The following PCDHA5 variants were observed in gnomAD, a reference collection of about 807,000 sequenced individuals.
PCDHA5 encodes protocadherin alpha-5.
Under a neutral mutation model 61.6 loss-of-function variants are expected in PCDHA5, and 43 were observed. That is an observed-to-expected ratio of 0.70 (90% confidence interval 0.55 to 0.90). PCDHA5 has a LOEUF of 0.90. Among genes scored for constraint, PCDHA5 ranks in the 40% least tolerant of loss-of-function variants. The probability of loss-of-function intolerance (pLI) is 0.00; values close to 1 mark genes in which losing one functional copy is unlikely to be tolerated. For missense variants in PCDHA5, 1,298 were observed against 1,222.7 expected, an observed-to-expected ratio of 1.06 and a Z score of -0.92; for synonymous variants, 627 against 543.9, an observed-to-expected ratio of 1.15 and a Z score of -2.13.
chr5:140,871,973 T>C (rs2053419799), intron 1 of PCDHA5, among the ~76,000 whole-genome samples: 1 of 152,254 alleles, frequency 6.6e-6, no homozygotes, highest in African/African-American at 2.4e-5. Context: ...CTTCCTATGA[T>C]GTCCAGGTTG....
chr5:140,927,839 G>T (rs782594719), intron 1 of PCDHA5: 1 of 1,614,208 alleles, frequency 6.2e-7, no homozygotes, highest in South Asian at 1.1e-5. Context: ...AGGGACGAAG[G>T]TGTCTTTGGT....
intron 1 of PCDHA5, chr5:140,869,765 A>C (rs376277801): frequency 1.9e-6 from 3 of 1,613,164 alleles, no homozygotes; most frequent in African/African-American, 2.7e-5. Flanking sequence ...GGAAAACCAG[A>C]GCTTACTGGC....
chr5:140,869,243 G>A (rs1554162716), intron 1 of PCDHA5: 10 of 1,613,544 alleles, frequency 6.2e-6, no homozygotes, highest in African/African-American at 2.7e-5. Flanking sequence ...TTCGTGGGCC[G>A]CATCGCGCAG....
intron 1 of PCDHA5, among the ~76,000 whole-genome samples, chr5:140,937,290 G>C (rs890693007): frequency 3.3e-5 from 5 of 152,076 alleles, no homozygotes; most frequent in Non-Finnish European, 7.4e-5. Flanking sequence ...ACCCGCTTCG[G>C]CCTCCCAAAG....
intron 1 of PCDHA5, chr5:140,828,956 G>A: frequency 1.2e-6 from 2 of 1,614,244 alleles, no homozygotes; most frequent in Non-Finnish European, 1.7e-6. Flanking sequence ...TGCAGCCATG[G>A]TTATTGACCA....
intron 1 of PCDHA5, chr5:140,851,311 T>C (rs1484638965): frequency 1.0e-6 from 1 of 1,000,128 alleles, no homozygotes; most frequent in Non-Finnish European, 1.2e-6. Context: ...TAGCAATTGT[T>C]ACCTTGTTAA....
chr5:140,944,182 GTTTGT>G (rs750577669), intron 1 of PCDHA5, among the ~76,000 whole-genome samples: 4 of 152,050 alleles, frequency 2.6e-5, no homozygotes, highest in African/African-American at 2.4e-5. Context: ...TTTTTTGTTG[GTTTGT>G]TTTGTTTTGT....
At chr5:140,842,234 C>T (rs2150332362) in intron 1 of PCDHA5, 8 of 1,612,528 alleles carry the variant, frequency 5.0e-6, no homozygotes, top group Admixed American at 1.7e-5. Context: ...AATAGTGATT[C>T]GGGGTAATTT....
At chr5:140,943,112 G>A (rs1250060246) in intron 1 of PCDHA5, among the ~76,000 whole-genome samples, 1 of 151,850 alleles carries the variant, frequency 6.6e-6, no homozygotes, top group African/African-American at 2.4e-5. Flanking sequence ...ACAAAAATTA[G>A]CCAGGTGTGG....
chr5:140,841,253 G>A, intron 1 of PCDHA5: 1 of 1,510,284 alleles, frequency 6.6e-7, no homozygotes, highest in Non-Finnish European at 8.9e-7. Context: ...TGGATTAAAA[G>A]ACTCTGAAAG....
intron 1 of PCDHA5, among the ~76,000 whole-genome samples, chr5:140,897,728 A>G (rs1554187548): frequency 6.6e-6 from 1 of 152,092 alleles, no homozygotes; most frequent in Non-Finnish European, 1.5e-5. Flanking sequence ...TGGGTCAAAT[A>G]GTATTTCTAG....
intron 1 of PCDHA5, among the ~76,000 whole-genome samples, chr5:140,898,035 T>G (rs1227571900): frequency 5.9e-5 from 9 of 152,120 alleles, no homozygotes; most frequent in African/African-American, 2.2e-4. Context: ...TTGATGGGGT[T>G]GTTTGTTTTT....
At chr5:140,860,679 T>A (rs1465789150) in intron 1 of PCDHA5, 1 of 152,238 alleles carries the variant, frequency 6.6e-6, no homozygotes, top group Non-Finnish European at 1.5e-5. Flanking sequence ...AATGCACTTA[T>A]GTTTTGAGCG....
chr5:140,853,510 A>T, intron 1 of PCDHA5: 1 of 977,306 alleles, frequency 1.0e-6, no homozygotes, highest in Non-Finnish European at 1.2e-6. Context: ...TGAAACAATA[A>T]TGAAGCTCCT....
rs142005953 is a variant in PCDHA5, at chr5:140,843,471, T to C, written c.2352+19344T>C. 21 of 1,595,832 alleles carry C rather than the reference T, an allele frequency of 1.3e-5. 2 individuals are homozygous for C. In the African/African-American group the frequency reaches 1.7e-4, roughly 13 times the overall value. On this transcript the variant is annotated intron_variant, in intron 1 of 3. Coordinates refer to ENST00000529859, the MANE Select transcript of PCDHA5 (RefSeq NM_018908.3). ...AGCCTGCTGGTGCTCACGCTGCTGC[T>C]GTACACTGCGCTGCGGTGCTCAGCA...
intron 1 of PCDHA5, among the ~76,000 whole-genome samples, chr5:140,942,781 A>G (rs1554215214): frequency 6.6e-6 from 1 of 152,214 alleles, no homozygotes; most frequent in Admixed American, 6.5e-5. Context: ...TTTAGGCAGA[A>G]TATTACAAAG....
In PCDHA5 at chr5:140,842,325, C is replaced by G. The variant is rs2150334161; in HGVS notation, c.2352+18198C>G. On this transcript the variant is annotated intron_variant, in intron 1 of 3. Coordinates refer to ENST00000529859, the MANE Select transcript of PCDHA5 (RefSeq NM_018908.3). ...CATCCTCCCATGGCGGGTCATTGCA[C>G]CGTTTTAGTGAGAATTTTGGATAAA... 1.9e-5 allele frequency: 31 copies of G among 1,606,978 alleles called. No individual in the cohort carries two copies. In the South Asian group the frequency reaches 3.1e-4, roughly 16 times the overall value.
intron 1 of PCDHA5, chr5:140,830,284 G>C (rs2150184332): frequency 6.2e-7 from 1 of 1,613,852 alleles, no homozygotes; most frequent in Admixed American, 1.7e-5. Context: ...CCGAGGGCGC[G>C]TGCACGGCGG....
At chr5:140,967,784 C>T in intron 1 of PCDHA5, 3 of 1,614,174 alleles carry the variant, frequency 1.9e-6, no homozygotes, top group South Asian at 1.1e-5. Context: ...GGCGACTGAC[C>T]GGGGTCCAGT....
Sources: gnomAD v4.1 joint callset for allele counts (sites outside exome capture counted in the v4.1 genomes callset) on GRCh38, gnomAD v4.1.1 for gene constraint, MANE v1.5 for transcripts, NCBI Gene and HGNC (gene_info 2026-07-23, HGNC 2026-07-21) for gene names.